Variants in TMTC1 observed in about 807,000 individuals in gnomAD.
TMTC1 encodes the protein transmembrane O-mannosyltransferase targeting cadherins 1, also known as protein O-mannosyl-transferase TMTC1.
A neutral mutation model predicts 104.8 loss-of-function variants in TMTC1; 73 were observed. That is an observed-to-expected ratio of 0.70 (90% confidence interval 0.58 to 0.85). The LOEUF (loss-of-function observed/expected upper bound fraction) is 0.85. TMTC1 is among the 40% of genes least tolerant of loss of function. The probability of loss-of-function intolerance (pLI) is 0.00; values close to 1 mark genes in which losing one functional copy is unlikely to be tolerated. For missense variants in TMTC1, 1,035 were observed against 1,096.1 expected, an observed-to-expected ratio of 0.94 and a Z score of 0.79; for synonymous variants, 434 against 428.7, an observed-to-expected ratio of 1.01 and a Z score of -0.15.
intron 5 of TMTC1, among the ~76,000 whole-genome samples, chr12:29,659,219 T>C (rs1939899613): frequency 6.6e-6 from 1 of 152,232 alleles, no homozygotes; most frequent in Non-Finnish European, 1.5e-5. Flanking sequence ...TAGTTATTAT[T>C]GACAAGTGCC....
intron 5 of TMTC1, among the ~76,000 whole-genome samples, chr12:29,691,732 A>AC (rs1213726917): frequency 7.0e-6 from 1 of 142,746 alleles, no homozygotes; most frequent in African/African-American, 2.6e-5. Flanking sequence ...AAAAAAAAAA[A>AC]AAAAAACCTA....
At chr12:29,606,711 C>A (rs1383150581) in intron 6 of TMTC1, among the ~76,000 whole-genome samples, 1 of 152,142 alleles carries the variant, frequency 6.6e-6, no homozygotes, top group Non-Finnish European at 1.5e-5. Context: ...TCCCTAGATA[C>A]TGTTTTACCC....
chr12:29,640,224 A>G lies in TMTC1; in HGVS notation c.939-6888T>C, dbSNP rs1478794198. On this transcript the variant is annotated intron_variant, in intron 5 of 17. Transcript: ENST00000539277. ...CTGGCTTACAAGGATGAATGGTCCA[A>G]TTAACCGAGCTCAATTAAAGGCGGA... Among the ~76,000 whole-genome samples the G allele has an allele frequency of 2.6e-5, 4 of 152,208 alleles. 1 individual carries two copies. The East Asian group carries it at 5.8e-4, about 22-fold the overall frequency.
intron 6 of TMTC1, among the ~76,000 whole-genome samples, chr12:29,629,366 C>T (rs1938178703): frequency 6.6e-6 from 1 of 151,842 alleles, no homozygotes; most frequent in Non-Finnish European, 1.5e-5. Flanking sequence ...AGTGCCTCCA[C>T]CCTTCAAGTT....
chr12:29,531,963 C>T (rs528898791), intron 11 of TMTC1, among the ~76,000 whole-genome samples: 87 of 152,156 alleles, frequency 5.7e-4, no homozygotes, highest in African/African-American at 2.0e-3. Flanking sequence ...GCTTGGAGAC[C>T]AGGTTTTAGT....
intron 2 of TMTC1, among the ~76,000 whole-genome samples, chr12:29,761,075 TAC>T (rs1943337744): frequency 2.0e-5 from 3 of 148,054 alleles, no homozygotes; most frequent in Admixed American, 6.8e-5. Context: ...ATGTTTATAT[TAC>T]AGTTATAGAA....
intron 9 of TMTC1, among the ~76,000 whole-genome samples, chr12:29,571,328 C>G (rs1461956127): frequency 6.6e-6 from 1 of 151,966 alleles, no homozygotes; most frequent in Non-Finnish European, 1.5e-5. Context: ...GGGTGTTTCA[C>G]AGAAAACCAT....
chr12:29,556,743 C>A, intron 10 of TMTC1, 114 bp downstream of exon 10: 1 of 1,364,006 alleles, frequency 7.3e-7, no homozygotes, highest in Admixed American at 2.3e-5. Context: ...TCTGAAAACC[C>A]TAATTATTCA....
chr12:29,679,241 A>G (rs577509360), intron 5 of TMTC1, among the ~76,000 whole-genome samples: 1 of 152,242 alleles, frequency 6.6e-6, no homozygotes, highest in Admixed American at 6.5e-5. Flanking sequence ...GTATATATGT[A>G]CAACAACAGA....
intron 7 of TMTC1, among the ~76,000 whole-genome samples, chr12:29,585,513 C>T (rs994917098): frequency 1.3e-5 from 2 of 152,138 alleles, no homozygotes; most frequent in African/African-American, 4.8e-5. Flanking sequence ...GAAGTCCTTG[C>T]CCGTGCCTAT....
chr12:29,529,332 A>T (rs1378740640), intron 11 of TMTC1, among the ~76,000 whole-genome samples: 1 of 152,104 alleles, frequency 6.6e-6, no homozygotes, highest in Non-Finnish European at 1.5e-5. Context: ...GGTATTCCAA[A>T]GCAGTAAAGG....
intron 5 of TMTC1, among the ~76,000 whole-genome samples, chr12:29,728,519 C>G (rs1942461090): frequency 1.3e-5 from 2 of 152,084 alleles, no homozygotes; most frequent in Admixed American, 1.3e-4. Flanking sequence ...GAATGACTAC[C>G]CAGAAGCTTA....
At chr12:29,580,132 C>A (rs1945936200) in intron 8 of TMTC1, among the ~76,000 whole-genome samples, 1 of 152,178 alleles carries the variant, frequency 6.6e-6, no homozygotes, top group African/African-American at 2.4e-5. Context: ...GCCTGGGCAA[C>A]ACAGTAATAA....
intron 5 of TMTC1, among the ~76,000 whole-genome samples, chr12:29,726,503 G>C (rs1942395554): frequency 6.6e-6 from 1 of 152,126 alleles, no homozygotes; most frequent in African/African-American, 2.4e-5. Context: ...GTGAGCTCAA[G>C]AGGAAACAGG....
At chr12:29,579,352 G>A (rs16934523) in intron 8 of TMTC1, among the ~76,000 whole-genome samples, 2,621 of 152,254 alleles carry the variant, frequency 0.017, 63 homozygotes, top group East Asian at 0.055. Flanking sequence ...TGTATGACCC[G>A]CAGAGCTTAA....
At position 29,553,320 on chromosome 12, in the gene TMTC1, G is replaced by A. The variant is rs191383206; in HGVS notation, c.1676+3537C>T. Among the ~76,000 whole-genome samples the A allele has an allele frequency of 1.4e-3, 220 of 152,276 alleles. 1 individual carries two copies. The highest frequency in any genetic ancestry group is 0.014 in the Admixed American group (207 of 15,296). ...AAGGCAATATATCTCCTAATAGATCGTTTTAAAGATTAAATAATGAATATT... is the reference window on the plus strand; with the variant it reads ...AAGGCAATATATCTCCTAATAGATCATTTTAAAGATTAAATAATGAATATT... On this transcript the variant is annotated intron_variant, in intron 10 of 17. Transcript: ENST00000539277.
In TMTC1 at chr12:29,751,787, T is replaced by G; in HGVS notation, c.817A>C (p.Asn273His). The change falls in exon 5 of 18, where the codon AAT becomes CAT. Residue 273 changes from asparagine to histidine, a missense_variant. Asn to His is a moderately conservative substitution (Grantham distance 68). Coordinates refer to ENST00000539277, the MANE Select transcript of TMTC1 (RefSeq NM_001193451.2). ...TGAGGGAACCGCTGCTGCTTCCCATTCTCCCGGTGAGGATGGCCTGGCAGT... is the reference window on the plus strand; with the variant it reads ...TGAGGGAACCGCTGCTGCTTCCCATGCTCCCGGTGAGGATGGCCTGGCAGT... ...SSLPGHPHRE[N>H]GKQQRFPHKG... The G allele has an allele frequency of 6.2e-7, 1 of 1,613,700 alleles. No homozygotes were observed. Among genetic ancestry groups the G allele is most frequent in the Non-Finnish European group, 8.5e-7 (1 of 1,179,882 alleles).
chr12:29,716,313 C>T (rs1174033814), intron 5 of TMTC1, among the ~76,000 whole-genome samples: 1 of 152,058 alleles, frequency 6.6e-6, no homozygotes, highest in East Asian at 1.9e-4. Context: ...TGAGCCACTA[C>T]ACCCAGAGAC....
intron 11 of TMTC1, among the ~76,000 whole-genome samples, chr12:29,528,560 C>A (rs909461845): frequency 6.6e-6 from 1 of 152,118 alleles, no homozygotes; most frequent in Admixed American, 6.5e-5. Flanking sequence ...CACTTTTTAC[C>A]TCAAGGAAGG....
Sources: allele counts gnomAD v4.1 joint callset (sites outside exome capture counted in the v4.1 genomes callset), GRCh38; gene constraint gnomAD v4.1.1; transcripts MANE v1.5; gene names NCBI Gene and HGNC (gene_info 2026-07-23, HGNC 2026-07-21).